The following DLGAP2 variants were observed in gnomAD, a reference collection of about 807,000 sequenced individuals.
DLGAP2 encodes disks large-associated protein 2.
A neutral mutation model predicts 100.3 loss-of-function variants in DLGAP2; 26 were observed. The observed-to-expected ratio is 0.26, with a 90% confidence interval of 0.19 to 0.36. The LOEUF (loss-of-function observed/expected upper bound fraction) is 0.36, where lower values mean the gene tolerates loss of function less well. Ranked by LOEUF, DLGAP2 falls within the 10% of genes least tolerant of loss-of-function variation. The pLI is 1.00. For synonymous variants in DLGAP2, 886 were observed against 630.1 expected (o/e 1.41, Z -6.08); for missense variants, 1,858 against 1,453.2 (o/e 1.28, Z -4.53).
In DLGAP2 at chr8:897,744, A is replaced by C. The variant is rs140848917; in HGVS notation, c.19-10168A>C. Among the ~76,000 whole-genome samples, 45 of 152,104 alleles carry C rather than the reference A, an allele frequency of 3.0e-4. 1 individual carries two copies. The highest frequency in any genetic ancestry group is 1.0e-3 in the African/African-American group (43 of 41,508). Reference sequence around the variant, plus strand: ...GCATCCTGAGTTTCGGGTGAGCCAGAAGCGAGCACCGCAGATGCTCTTCTG... The same window carrying C: ...GCATCCTGAGTTTCGGGTGAGCCAGCAGCGAGCACCGCAGATGCTCTTCTG... On this transcript the variant is annotated intron_variant, in intron 1 of 14. Coordinates refer to ENST00000637795, the MANE Select transcript of DLGAP2 (RefSeq NM_001346810.2).
intron 1 of DLGAP2, among the ~76,000 whole-genome samples, chr8:847,263 C>G (rs1280328254): frequency 6.6e-6 from 1 of 152,120 alleles, no homozygotes; most frequent in African/African-American, 2.4e-5. Flanking sequence ...GATATACTGG[C>G]CAAAGTTCAC....
At chr8:1,202,153 G>T (rs989268373) in intron 2 of DLGAP2, among the ~76,000 whole-genome samples, 2 of 118,558 alleles carry the variant, frequency 1.7e-5, no homozygotes, top group South Asian at 2.4e-4. Context: ...TACACATGTG[G>T]TGTGTACAGT....
Position 1,256,425 on chromosome 8 carries a change from G to C in DLGAP2, c.74-2426G>C, listed in dbSNP as rs568918548. On this transcript the variant is annotated intron_variant, in intron 2 of 14. Transcript: ENST00000637795. ...GTGTGCCGTCTTATCCTGCTTGGGCGCTGTGCGTCTGTCCTCTCCTGCCCA... is the reference window on the plus strand; with the variant it reads ...GTGTGCCGTCTTATCCTGCTTGGGCCCTGTGCGTCTGTCCTCTCCTGCCCA... Among the ~76,000 whole-genome samples the C allele has an allele frequency of 3.6e-5, 5 of 140,546 alleles. No individual in the cohort carries two copies. In the South Asian group the frequency reaches 1.2e-3, roughly 33 times the overall value. 92.2% of individuals were successfully genotyped at this position (140,546 alleles called of 152,430 possible).
chr8:949,177 G>A (rs770894002), intron 2 of DLGAP2, among the ~76,000 whole-genome samples: 1 of 152,232 alleles, frequency 6.6e-6, no homozygotes, highest in African/African-American at 2.4e-5. Context: ...AGGACGTGTG[G>A]TTCCTGGAGT....
chr8:1,448,994 G>T (rs144330427), intron 3 of DLGAP2, among the ~76,000 whole-genome samples: 1 of 152,316 alleles, frequency 6.6e-6, no homozygotes, highest in East Asian at 1.9e-4. Context: ...AAAAGCTGAC[G>T]CATGTTCTGA....
chr8:1,004,325 C>T (rs1801045149), intron 2 of DLGAP2, among the ~76,000 whole-genome samples: 1 of 152,186 alleles, frequency 6.6e-6, no homozygotes. Context: ...CATTTGGCCA[C>T]TTTAATTTTG....
At chr8:1,636,897 T>C (rs868410634) in intron 8 of DLGAP2, among the ~76,000 whole-genome samples, 39 of 152,184 alleles carry the variant, frequency 2.6e-4, no homozygotes, top group Middle Eastern at 6.8e-3. Context: ...TTTTGGCCAA[T>C]AGAGTAAAGG....
At chr8:1,187,336 G>T (rs777690393) in intron 2 of DLGAP2, among the ~76,000 whole-genome samples, 3 of 144,308 alleles carry the variant, frequency 2.1e-5, no homozygotes, top group Non-Finnish European at 3.0e-5. Flanking sequence ...ACACGCCCAG[G>T]ACCTCTGTGA....
chr8:1,275,498 G>A (rs76661909), intron 3 of DLGAP2, among the ~76,000 whole-genome samples: 134 of 151,838 alleles, frequency 8.8e-4, no homozygotes, highest in African/African-American at 3.2e-3. Flanking sequence ...AGACATCAGC[G>A]TCAATCCCAG....
chr8:936,139 T>C (rs1421331703), intron 2 of DLGAP2, among the ~76,000 whole-genome samples: 1 of 152,164 alleles, frequency 6.6e-6, no homozygotes, highest in Non-Finnish European at 1.5e-5. Flanking sequence ...CGTGTGTCGC[T>C]GAGTCACAGT....
intron 2 of DLGAP2, among the ~76,000 whole-genome samples, chr8:1,113,728 A>G (rs1805031680): frequency 6.6e-6 from 1 of 152,054 alleles, no homozygotes; most frequent in South Asian, 2.1e-4. Flanking sequence ...AACTTCCAAT[A>G]CTATGTTGAA....
At chr8:772,786 T>C (rs1271507053) in intron 1 of DLGAP2, among the ~76,000 whole-genome samples, 1 of 152,206 alleles carries the variant, frequency 6.6e-6, no homozygotes, top group East Asian at 1.9e-4. Context: ...CACACATGGC[T>C]TCTTGTGGCA....
intron 2 of DLGAP2, among the ~76,000 whole-genome samples, chr8:1,051,609 A>T (rs1384509843): frequency 1.3e-5 from 2 of 152,242 alleles, no homozygotes; most frequent in African/African-American, 2.4e-5. Context: ...ATTTTATCTA[A>T]TAGAGCATTT....
intron 2 of DLGAP2, among the ~76,000 whole-genome samples, chr8:1,140,900 C>A (rs1254415572): frequency 4.6e-5 from 7 of 152,180 alleles, no homozygotes; most frequent in African/African-American, 1.2e-4. Flanking sequence ...AGAAAAATCG[C>A]TTGAACCGGG....
chr8:1,070,080 A>G (rs1232129734), intron 2 of DLGAP2, among the ~76,000 whole-genome samples: 4 of 152,220 alleles, frequency 2.6e-5, no homozygotes, highest in Non-Finnish European at 5.9e-5. Context: ...TCTCCAAATC[A>G]CTACGCTACT....
intron 2 of DLGAP2, among the ~76,000 whole-genome samples, chr8:1,080,894 A>G (rs1803784830): frequency 6.6e-6 from 1 of 152,226 alleles, no homozygotes. Flanking sequence ...AAAGGAATAT[A>G]TTGCCTGGAA....
At chr8:929,810 C>T (rs1798915191) in intron 2 of DLGAP2, among the ~76,000 whole-genome samples, 1 of 150,864 alleles carries the variant, frequency 6.6e-6, no homozygotes, top group African/African-American at 2.4e-5. Context: ...TCTTGGTTTC[C>T]ATGATTTATA....
intron 2 of DLGAP2, among the ~76,000 whole-genome samples, chr8:1,235,551 C>A (rs543040430): frequency 1.9e-4 from 4 of 21,038 alleles, no homozygotes; most frequent in Non-Finnish European, 1.4e-4. Context: ...TCTCACATGG[C>A]GCCATGTCTA....
chr8:1,552,255 C>G (rs1801794896), intron 5 of DLGAP2, among the ~76,000 whole-genome samples: 1 of 152,222 alleles, frequency 6.6e-6, no homozygotes, highest in African/African-American at 2.4e-5. Context: ...AGGACGTCTG[C>G]AGGGAGCAGC....
Sources: allele counts gnomAD v4.1 joint callset (sites outside exome capture counted in the v4.1 genomes callset), GRCh38; gene constraint gnomAD v4.1.1; transcripts MANE v1.5; gene names NCBI Gene and HGNC (gene_info 2026-07-23, HGNC 2026-07-21).